The following ADGRL3 variants were observed in gnomAD, a reference collection of about 807,000 sequenced individuals.
ADGRL3 encodes the protein adhesion G protein-coupled receptor L3, also known as calcium-independent alpha-latrotoxin receptor 3.
Under a neutral mutation model 153.5 loss-of-function variants are expected in ADGRL3, and 62 were observed. The ratio of observed to expected loss-of-function variants is 0.40; its 90% CI spans 0.33 to 0.50. ADGRL3 has a LOEUF of 0.50. ADGRL3 is among the 20% of genes least tolerant of loss of function. The probability of loss-of-function intolerance (pLI) is 0.47; values close to 1 mark genes in which losing one functional copy is unlikely to be tolerated. For missense variants in ADGRL3, 1,641 were observed against 1,859.4 expected (o/e 0.88, Z 2.16); for synonymous variants, 710 against 672.5 (o/e 1.06, Z -0.86).
At chr4:61,248,229 A>G (rs1486254530) in intron 1 of ADGRL3, among the ~76,000 whole-genome samples, 3 of 151,920 alleles carry the variant, frequency 2.0e-5, no homozygotes, top group Non-Finnish European at 4.4e-5. Flanking sequence ...TTTTCAGATT[A>G]TCTTCTAAAG....
intron 8 of ADGRL3, among the ~76,000 whole-genome samples, chr4:61,787,468 G>T (rs1342519492): frequency 1.3e-5 from 2 of 151,788 alleles, no homozygotes; most frequent in Non-Finnish European, 2.9e-5. Flanking sequence ...ATTATTGTAT[G>T]TTCTTTACAA....
intron 22 of ADGRL3, among the ~76,000 whole-genome samples, chr4:62,029,568 G>T (rs977094192): frequency 6.6e-6 from 1 of 151,598 alleles, no homozygotes; most frequent in African/African-American, 2.4e-5. Context: ...AGTCCTGCAA[G>T]AATAAACTAA....
In ADGRL3 at chr4:61,822,970, C is replaced by T. The variant is rs548216878; in HGVS notation, c.1480+9081C>T. Among the ~76,000 whole-genome samples the T allele has an allele frequency of 3.3e-5, 5 of 152,228 alleles. No individual in the cohort carries two copies. The South Asian group carries it at 8.3e-4, about 25-fold the overall frequency. On this transcript the variant is annotated intron_variant, in intron 9 of 26. Transcript: ENST00000683033. ...GCTCACGTTGAATACAGTGGCTCCCCGATGTTGATTCTCCCCTTGATCACT... is the reference window on the plus strand; with the variant it reads ...GCTCACGTTGAATACAGTGGCTCCCTGATGTTGATTCTCCCCTTGATCACT...
chr4:61,939,610 C>A (rs2098867612), intron 15 of ADGRL3, among the ~76,000 whole-genome samples: 1 of 152,094 alleles, frequency 6.6e-6, no homozygotes, highest in Non-Finnish European at 1.5e-5. Context: ...GCTGGGATTA[C>A]AAGCATGTGC....
At chr4:61,741,624 T>G (rs1190889179) in intron 8 of ADGRL3, among the ~76,000 whole-genome samples, 1 of 152,240 alleles carries the variant, frequency 6.6e-6, no homozygotes, top group African/African-American at 2.4e-5. Flanking sequence ...CGCTTTTTTT[T>G]AAACCTTTCC....
intron 3 of ADGRL3, among the ~76,000 whole-genome samples, chr4:61,498,015 A>G (rs2098340406): frequency 6.6e-6 from 1 of 152,136 alleles, no homozygotes; most frequent in Non-Finnish European, 1.5e-5. Flanking sequence ...TTTGGCTTGC[A>G]TAGTTTCATA....
chr4:61,712,343 T>A (rs1362236676), intron 6 of ADGRL3, among the ~76,000 whole-genome samples: 4 of 151,938 alleles, frequency 2.6e-5, no homozygotes, highest in Non-Finnish European at 5.9e-5. Flanking sequence ...CTGTGAGGCA[T>A]GATTTTGCCA....
intron 20 of ADGRL3, among the ~76,000 whole-genome samples, chr4:61,997,146 C>A (rs1306049322): frequency 1.3e-5 from 2 of 151,588 alleles, no homozygotes; most frequent in Non-Finnish European, 2.9e-5. Flanking sequence ...TACACAATAA[C>A]CCTAGTGAGG....
At chr4:61,456,579 T>G (rs910424552) in intron 2 of ADGRL3, among the ~76,000 whole-genome samples, 2 of 149,988 alleles carry the variant, frequency 1.3e-5, no homozygotes, top group Non-Finnish European at 3.0e-5. Context: ...TATCCCATAC[T>G]TATTGTCTGT....
intron 1 of ADGRL3, among the ~76,000 whole-genome samples, chr4:61,334,736 T>A (rs2095643247): frequency 6.6e-6 from 1 of 152,098 alleles, no homozygotes; most frequent in South Asian, 2.1e-4. Context: ...TAATATATAT[T>A]TTAAAGACTT....
chr4:61,636,674 G>T (rs2150103096), intron 5 of ADGRL3, among the ~76,000 whole-genome samples: 1 of 151,878 alleles, frequency 6.6e-6, no homozygotes, highest in East Asian at 1.9e-4. Flanking sequence ...GAACATTTCA[G>T]AGAATCGTAT....
chr4:61,247,046 A>AT (rs1007499889), intron 1 of ADGRL3, among the ~76,000 whole-genome samples: 3 of 152,054 alleles, frequency 2.0e-5, no homozygotes, highest in Non-Finnish European at 2.9e-5. Flanking sequence ...TGAGATTGAG[A>AT]TTTTTTTAAA....
At chr4:61,774,705 G>A (rs2097127528) in intron 8 of ADGRL3, among the ~76,000 whole-genome samples, 1 of 151,988 alleles carries the variant, frequency 6.6e-6, no homozygotes, top group Admixed American at 6.6e-5. Flanking sequence ...CATATAATTT[G>A]TATTGCAGTA....
intron 4 of ADGRL3, among the ~76,000 whole-genome samples, chr4:61,575,777 T>C (rs925665206): frequency 1.3e-5 from 2 of 152,066 alleles, no homozygotes. Context: ...TTGTGTTTAA[T>C]TATATGTTTA....
intron 11 of ADGRL3, among the ~76,000 whole-genome samples, chr4:61,909,074 A>G (rs2098709997): frequency 6.6e-6 from 1 of 152,176 alleles, no homozygotes; most frequent in Non-Finnish European, 1.5e-5. Flanking sequence ...GAAGATGAAA[A>G]TCACTTTGAA....
chr4:61,416,768 G>A (rs536428744), intron 2 of ADGRL3, among the ~76,000 whole-genome samples: 2 of 152,276 alleles, frequency 1.3e-5, no homozygotes, highest in African/African-American at 4.8e-5. Context: ...TGGACCTGGG[G>A]TGGGATGAGG....
chr4:61,578,627 T>G (rs1376517525), intron 4 of ADGRL3, among the ~76,000 whole-genome samples: 1 of 152,086 alleles, frequency 6.6e-6, no homozygotes, highest in Non-Finnish European at 1.5e-5. Context: ...TTCACTTCTG[T>G]TCCTACCTCC....
intron 2 of ADGRL3, among the ~76,000 whole-genome samples, chr4:61,488,396 C>T (rs2098220833): frequency 6.6e-6 from 1 of 151,858 alleles, no homozygotes; most frequent in African/African-American, 2.4e-5. Context: ...CATTTCATTG[C>T]TTGAAACATG....
At chr4:61,842,709 T>A (rs2098051520) in intron 9 of ADGRL3, among the ~76,000 whole-genome samples, 1 of 152,214 alleles carries the variant, frequency 6.6e-6, no homozygotes, top group Non-Finnish European at 1.5e-5. Context: ...TCAGGTTTGT[T>A]GCAATCCTAA....
Sources: gnomAD v4.1 joint callset for allele counts (sites outside exome capture counted in the v4.1 genomes callset) on GRCh38, gnomAD v4.1.1 for gene constraint, MANE v1.5 for transcripts, NCBI Gene and HGNC (gene_info 2026-07-23, HGNC 2026-07-21) for gene names.